Variants in SETX observed in about 807,000 individuals in gnomAD.
The protein encoded by SETX is senataxin.
In SETX, 90 loss-of-function variants were observed where a neutral mutation model predicts 227.2. That is an observed-to-expected ratio of 0.40 (90% CI 0.33 to 0.47). SETX has a LOEUF of 0.47. SETX is among the 20% of genes least tolerant of loss of function. SETX has a pLI of 0.91. For missense variants in SETX, 3,052 were observed against 3,181.5 expected, an observed-to-expected ratio of 0.96 and a Z score of 0.98; for synonymous variants, 1,210 against 1,113.2, an observed-to-expected ratio of 1.09 and a Z score of -1.73.
intron 20 of SETX, 51 bp downstream of exon 20, chr9:132,281,416 A>G (rs1843493986): frequency 7.0e-7 from 1 of 1,423,736 alleles, no homozygotes; most frequent in Non-Finnish European, 9.9e-7. Context: ...GAAAACAAAA[A>G]TTTTAAAAAG....
intron 3 of SETX, 69 bp from the exon 4 acceptor site, chr9:132,346,540 C>A: frequency 9.1e-7 from 1 of 1,093,548 alleles, no homozygotes; most frequent in Non-Finnish European, 1.4e-6. Context: ...AATGTGACGA[C>A]CTAGAAAGCC....
intron 22 of SETX, 143 bp downstream of exon 22, chr9:132,276,914 AAAG>A (rs1843193457): frequency 1.4e-6 from 1 of 737,870 alleles, no homozygotes; most frequent in African/African-American, 1.7e-5. Context: ...TATACAGAAA[AAAG>A]AAGCATCAAC....
intron 7 of SETX, 79 bp from the exon 8 acceptor site, chr9:132,331,527 TC>T: frequency 2.0e-6 from 3 of 1,482,836 alleles, no homozygotes; most frequent in Non-Finnish European, 2.8e-6. Context: ...TTAAGCATAT[TC>T]TTTATCTGGT....
chr9:132,290,933 G>C (rs1365170478), intron 15 of SETX, among the ~76,000 whole-genome samples: 2,905 of 151,994 alleles, frequency 0.019, 102 homozygotes, highest in African/African-American at 0.067. Context: ...ATTCTAATTG[G>C]ACACGTCACA....
rs780304556 is a variant in SETX at position 132,331,077 on chromosome 9, T to C, written c.1073A>G (p.Asn358Ser). ...CTTTTTGGTCTTTTCAGGATTATAA[T>C]TGTATACGATCTGGCTGCAAGTCAC... Reference protein sequence around the residue: ...DMVTCSQIVYNYNPEKTKKDS... With the variant: ...DMVTCSQIVYSYNPEKTKKDS... Residue 358 changes from asparagine (N) to serine (S), a missense_variant, in exon 9 of 26, where the codon AAT becomes AGT. Asn to Ser is a conservative substitution (Grantham distance 46). Transcript: ENST00000224140. 3 of 1,613,060 alleles carry C rather than the reference T, an allele frequency of 1.9e-6. No homozygotes were observed. The highest frequency in any genetic ancestry group is 2.2e-5 in the East Asian group (1 of 44,868).
Position 132,327,207 on chromosome 9 carries a change from G to A in SETX, c.4391C>T (p.Pro1464Leu), listed in dbSNP as rs750268505. Residue 1464 changes from proline (P) to leucine (L), a missense_variant, in exon 10 of 26, where the codon CCT becomes CTT. This residue lies in a region of SETX where 1,483 missense variants were observed against 1,312.0 expected (regional missense o/e 1.13). Transcript: ENST00000224140. ...NEVIVSTSED[P>L]LGGGDPTARH... ...TGCTGTTGGATCACCTCCACCCAGA[G>A]GGTCTTCTGAAGTGGAGACAATTAC... The A allele has an allele frequency of 2.5e-6, 4 of 1,614,166 alleles. No homozygotes were observed. Among genetic ancestry groups the A allele is most frequent in the Non-Finnish European group, 2.5e-6 (3 of 1,180,026 alleles).
In SETX at chr9:132,334,711, C is replaced by T. The variant is rs1295658880; in HGVS notation, c.735G>A (p.Leu245=). Residue 245 remains leucine, a synonymous_variant, in exon 7 of 26, where the codon CTG becomes CTA. Transcript: ENST00000224140. ...CCATGGCTTGTTCCTCAAGAATGGT[C>T]AGCAACATGCAAATACCTGTAAGAT... The part of the protein sequence containing the change: ...KSYWLGICML[L]TILEEQAMDS... 27 of 1,614,032 alleles carry T rather than the reference C, an allele frequency of 1.7e-5. No individual in the cohort carries two copies. The highest frequency in any genetic ancestry group is 2.7e-5 in the African/African-American group (2 of 75,022).
At chr9:132,299,799 A>G (rs904942392) in intron 12 of SETX, among the ~76,000 whole-genome samples, 1 of 152,068 alleles carries the variant, frequency 6.6e-6, no homozygotes, top group African/African-American at 2.4e-5. Context: ...GCAAGGAATA[A>G]TTTCTTCTAC....
rs1847002658 is a variant in SETX, at chr9:132,328,539, T to C, written c.3059A>G (p.Asp1020Gly). 3.1e-6 allele frequency: 5 copies of C among 1,614,050 alleles called. No individual in the cohort carries two copies. The highest frequency in any genetic ancestry group is 4.2e-6 in the Non-Finnish European group (5 of 1,180,014). Residue 1020 changes from aspartate (D) to glycine (G), a missense_variant, in exon 10 of 26, where the codon GAT (aspartate) becomes GGT (glycine). Around this residue, in one of 10 missense-constraint regions of SETX, gnomAD observed 1,483 missense variants for 1,312.0 expected, o/e 1.13. Coordinates refer to ENST00000224140, the MANE Select transcript of SETX (RefSeq NM_015046.7). ...CAGGATTCTTTCATCATCATCATCATCAGAATCTGAAATAATAATAACCTG... is the reference window on the plus strand; with the variant it reads ...CAGGATTCTTTCATCATCATCATCACCAGAATCTGAAATAATAATAACCTG... ...RGQVIIISDS[D>G]DDDDERILSL...
chr9:132,338,090 C>CTTT (rs71376637), intron 5 of SETX, among the ~76,000 whole-genome samples: 30 of 126,482 alleles, frequency 2.4e-4, no homozygotes, highest in Non-Finnish European at 2.6e-4. Context: ...GAGGAACACT[C>CTTT]TTTTTTTTTT....
At chr9:132,310,749 C>T (rs1012413474) in intron 11 of SETX, among the ~76,000 whole-genome samples, 1 of 152,230 alleles carries the variant, frequency 6.6e-6, no homozygotes, top group Non-Finnish European at 1.5e-5. Flanking sequence ...ATAGATTCTT[C>T]TCCATCTCTG....
Position 132,300,637 on chromosome 9 carries a change from C to T in SETX, c.5541G>A (p.Thr1847=), listed in dbSNP as rs149098092. 2.7e-5 allele frequency: 44 copies of T among 1,613,344 alleles called. No homozygotes were observed. The highest frequency in any genetic ancestry group is 1.2e-4 in the African/African-American group (9 of 74,894). ...GCCTCATTATTTACTTACTGACTGA[C>T]GTGCGGCGAAATTTATGAACATAAC... is the stretch of plus-strand genomic sequence containing the variant. ...HSGYVHKFRR[T]SVMRNGKTEC... is the part of the protein sequence containing the mutation. Residue 1847 remains threonine (T), a synonymous_variant, in exon 12 of 26, where the codon ACG becomes ACA. Transcript: ENST00000224140.
Position 132,331,440 on chromosome 9 carries a change from C to G in SETX, c.847G>C (p.Val283Leu), listed in dbSNP as rs1459722873. The G allele has an allele frequency of 4.3e-6, 7 of 1,613,906 alleles. No homozygotes were observed. In the South Asian group the frequency reaches 7.7e-5, roughly 18 times the overall value. Residue 283 changes from valine (V) to leucine (L), a missense_variant, in exon 8 of 26, where the codon GTG becomes CTG. Coordinates refer to ENST00000224140, the MANE Select transcript of SETX (RefSeq NM_015046.7). ...TGTAACGCTGGCCAGAAAGGATCCA[C>G]ACTATCATCTGAAATACAATGGCAC... ...TMEREADDDS[V>L]DPFWPALHCF...
intron 3 of SETX, among the ~76,000 whole-genome samples, chr9:132,347,711 G>C (rs1589787252): frequency 6.7e-6 from 1 of 149,484 alleles, no homozygotes; most frequent in Non-Finnish European, 1.5e-5. Context: ...TCTGTCAAAT[G>C]CAAAACCGAG....
At chr9:132,317,057 C>A (rs1019873497) in intron 10 of SETX, among the ~76,000 whole-genome samples, 2 of 152,230 alleles carry the variant, frequency 1.3e-5, no homozygotes, top group Non-Finnish European at 2.9e-5. Context: ...GAAGCTATCA[C>A]ATCCATGAAC....
chr9:132,302,693 A>C (rs1370462948), intron 11 of SETX, among the ~76,000 whole-genome samples: 1 of 151,006 alleles, frequency 6.6e-6, no homozygotes, highest in Admixed American at 6.6e-5. Flanking sequence ...AAAAAAAAAA[A>C]AAAAACCAGC....
At chr9:132,347,590 G>GT (rs1317713470) in intron 3 of SETX, among the ~76,000 whole-genome samples, 1 of 151,650 alleles carries the variant, frequency 6.6e-6, no homozygotes, top group Non-Finnish European at 1.5e-5. Context: ...GATTACAGGT[G>GT]TAAGCTACAG....
chr9:132,295,791 GCT>G, intron 15 of SETX, 79 bp downstream of exon 15: 1 of 1,302,200 alleles, frequency 7.7e-7, no homozygotes, highest in Non-Finnish European at 1.1e-6. Flanking sequence ...GGACTGGCCT[GCT>G]CTTTCCTTTG....
rs112086483 is a variant in SETX, at chr9:132,348,378, C to CAA, written c.177+872_177+873dup. On this transcript the variant is annotated intron_variant, in intron 3 of 25. Coordinates refer to ENST00000224140, the MANE Select transcript of SETX (RefSeq NM_015046.7). ...ACTCTGTCTCAAAAAAAAAACAAAA[C>CAA]AAAAAAAAAACAACCCACTAACAAA... is the stretch of plus-strand genomic sequence containing the variant. 4.7e-3 allele frequency among the ~76,000 whole-genome samples: 641 copies of CAA among 135,114 alleles called. 18 individuals are homozygous for CAA. The highest frequency in any genetic ancestry group is 0.012 in the African/African-American group (426 of 36,388). 88.6% of individuals were successfully genotyped at this position (135,114 alleles called of 152,430 possible). A position where few individuals can be genotyped will look rare whatever the true frequency, so the allele number is the denominator to read the frequency against.
Sources: allele counts gnomAD v4.1 joint callset (sites outside exome capture counted in the v4.1 genomes callset), GRCh38; gene constraint gnomAD v4.1.1; regional missense constraint gnomAD v4.1.1; transcripts MANE v1.5; gene names NCBI Gene and HGNC (gene_info 2026-07-23, HGNC 2026-07-21).